The following NF2 variants were observed in gnomAD, a reference collection of about 807,000 sequenced individuals.
The protein encoded by NF2 is NF2, moesin-ezrin-radixin like (MERLIN) tumor suppressor.
A neutral mutation model predicts 83.7 loss-of-function variants in NF2; 8 were observed. The ratio of observed to expected loss-of-function variants is 0.10; its 90% confidence interval spans 0.06 to 0.17. The LOEUF (loss-of-function observed/expected upper bound fraction) is 0.17, where lower values mean the gene tolerates loss of function less well. Among genes scored for constraint, NF2 ranks in the 10% least tolerant of loss-of-function variants. NF2 has a pLI of 1.00. For synonymous variants in NF2, 266 were observed against 269.6 expected (o/e 0.99, Z 0.13); for missense variants, 533 against 744.4 (o/e 0.72, Z 3.31).
chr22:29,646,118 C>T (rs891844599), intron 4 of NF2, among the ~76,000 whole-genome samples: 7 of 152,076 alleles, frequency 4.6e-5, no homozygotes, highest in Non-Finnish European at 7.3e-5. Context: ...ATATTTTGTG[C>T]GACACTCAGT....
chr22:29,651,290 C>T (rs981234052), intron 4 of NF2, among the ~76,000 whole-genome samples: 7 of 152,156 alleles, frequency 4.6e-5, no homozygotes, highest in African/African-American at 1.7e-4. Context: ...AGTATTGGCT[C>T]CACAAGTCTT....
intron 4 of NF2, among the ~76,000 whole-genome samples, chr22:29,645,574 C>T (rs926664172): frequency 6.6e-6 from 1 of 152,154 alleles, no homozygotes; most frequent in Non-Finnish European, 1.5e-5. Context: ...CAGTCATTGG[C>T]ACTTTGATTA....
At chr22:29,682,024 T>C (rs1454368680) in intron 15 of NF2, among the ~76,000 whole-genome samples, 1 of 152,184 alleles carries the variant, frequency 6.6e-6, no homozygotes, top group Admixed American at 6.5e-5. Flanking sequence ...AAAACCAAAC[T>C]GAATTTTTAA....
chr22:29,654,628 A>G lies in NF2; in HGVS notation c.448-29A>G, dbSNP rs1362319919. 2.5e-6 allele frequency: 4 copies of G among 1,602,370 alleles called. No individual in the cohort carries two copies. The African/African-American group carries it at 4.0e-5, about 16-fold the overall frequency. On this transcript the variant is annotated intron_variant, in intron 4 of 15. Coordinates refer to ENST00000338641, the MANE Select transcript of NF2 (RefSeq NM_000268.4). ...AATGGCAGTTATCTTTAGAATCTCA[A>G]TCGCCTGCTCTCCCTTTCTTCTTTC...
rs1195395510 is a variant in NF2 at position 29,674,949 on chromosome 22, TG to T, written c.1446+13del. On this transcript the variant is annotated intron_variant, in intron 13 of 15. Coordinates refer to ENST00000338641, the MANE Select transcript of NF2 (RefSeq NM_000268.4). ...ACCAAGCCCACGTACCCGGTGAGCC[TG>T]GGGGCCACCAGCTGGGGCTGCCTTA... The T allele has an allele frequency of 6.4e-6, 10 of 1,556,094 alleles. No homozygotes were observed. The highest frequency in any genetic ancestry group is 8.7e-6 in the Non-Finnish European group (10 of 1,148,822).
At chr22:29,671,227 C>T (rs1788915641) in intron 10 of NF2, among the ~76,000 whole-genome samples, 1 of 152,112 alleles carries the variant, frequency 6.6e-6, no homozygotes, top group African/African-American at 2.4e-5. Context: ...TTCAGTGCAC[C>T]GTGTATAAGA....
chr22:29,624,956 T>G (rs998246688), intron 1 of NF2, among the ~76,000 whole-genome samples: 13 of 151,282 alleles, frequency 8.6e-5, no homozygotes, highest in African/African-American at 3.2e-4. Flanking sequence ...TCTTTCTTTC[T>G]CTTTTCTTGC....
intron 9 of NF2, among the ~76,000 whole-genome samples, chr22:29,666,239 T>C (rs181892541): frequency 8.4e-4 from 128 of 152,114 alleles, no homozygotes; most frequent in Admixed American, 1.7e-3. Flanking sequence ...CTCCCGGATT[T>C]AAGCAATTCT....
chr22:29,639,683 G>A (rs2065748936), intron 3 of NF2, among the ~76,000 whole-genome samples: 1 of 151,716 alleles, frequency 6.6e-6, no homozygotes, highest in Admixed American at 6.6e-5. Context: ...AGGAGATCGA[G>A]ACCATCTGGC....
chr22:29,609,672 G>T (rs1320360359), intron 1 of NF2, among the ~76,000 whole-genome samples: 1 of 152,156 alleles, frequency 6.6e-6, no homozygotes, highest in Non-Finnish European at 1.5e-5. Context: ...TTAGAAATTG[G>T]TGTGTATAAC....
intron 4 of NF2, among the ~76,000 whole-genome samples, chr22:29,648,095 C>T (rs917663904): frequency 2.6e-5 from 4 of 151,708 alleles, no homozygotes; most frequent in African/African-American, 9.7e-5. Context: ...CACACCACTG[C>T]ACTCCAGCCT....
intron 15 of NF2, among the ~76,000 whole-genome samples, chr22:29,689,177 C>CAA (rs140087): frequency 5.9e-4 from 53 of 89,094 alleles, no homozygotes; most frequent in Non-Finnish European, 8.1e-4. Flanking sequence ...GACTCCGTCT[C>CAA]AAAAAAAAAA....
chr22:29,650,546 CTT>C (rs542118344), intron 4 of NF2, among the ~76,000 whole-genome samples: 1 of 150,164 alleles, frequency 6.7e-6, no homozygotes, highest in East Asian at 2.0e-4. Context: ...TTCTCTTTCT[CTT>C]TCTTTCTCTC....
rs1035287553 is a variant in NF2, at chr22:29,603,673, C to A, written c.-326C>A. 2.4e-5 allele frequency: 10 copies of A among 415,840 alleles called. No homozygotes were observed. The highest frequency in any genetic ancestry group is 4.3e-5 in the Admixed American group (1 of 23,450). The allele number at this position is 415,840 out of a possible 1,614,324, so 25.8% of individuals were successfully genotyped here. A position where few individuals can be genotyped will look rare whatever the true frequency, so the allele number is the denominator to read the frequency against. Reference sequence around the variant, plus strand: ...CGCTGAGAGGCGCGCGGAGTCTGGGCCGCTGCCGTCTAGGGGTCCCGTCCC... The same window carrying A: ...CGCTGAGAGGCGCGCGGAGTCTGGGACGCTGCCGTCTAGGGGTCCCGTCCC... On this transcript the variant is annotated 5_prime_UTR_variant, in exon 1 of 16. Coordinates refer to ENST00000338641, the MANE Select transcript of NF2 (RefSeq NM_000268.4).
chr22:29,647,045 A>AAG lies in NF2; in HGVS notation c.447+4761_447+4762insGA, dbSNP rs35138303. The stretch of plus-strand genomic sequence containing the variant: ...AGTGAGACTCCATCTCAAAAAAAAA[A>AAG]AAAAAAATGTAGTCAGGGTTTTTTT... On this transcript the variant is annotated intron_variant, in intron 4 of 15. Transcript: ENST00000338641. Among the ~76,000 whole-genome samples the AAG allele has an allele frequency of 9.0e-3, 1,366 of 151,922 alleles. 11 individuals carry two copies. The highest frequency in any genetic ancestry group is 0.014 in the Middle Eastern group (4 of 294).
At chr22:29,610,888 A>G (rs1601530192) in intron 1 of NF2, among the ~76,000 whole-genome samples, 1 of 152,222 alleles carries the variant, frequency 6.6e-6, no homozygotes, top group South Asian at 2.1e-4. Context: ...ATAGACAAAT[A>G]TATCTTACAA....
chr22:29,658,133 C>T (rs1165118652), intron 6 of NF2, 56 bp from the exon 7 acceptor site: 8 of 1,538,282 alleles, frequency 5.2e-6, no homozygotes, highest in Middle Eastern at 2.2e-4. Flanking sequence ...GGTGCCCACC[C>T]GCTCTCCACC....
At position 29,603,689 on chromosome 22, in the gene NF2, G is replaced by A. The variant is rs1418757777; in HGVS notation, c.-310G>A. Reference sequence around the variant, plus strand: ...GAGTCTGGGCCGCTGCCGTCTAGGGGTCCCGTCCCGAGGCGTCCCCGGCAT... The same window carrying A: ...GAGTCTGGGCCGCTGCCGTCTAGGGATCCCGTCCCGAGGCGTCCCCGGCAT... On this transcript the variant is annotated 5_prime_UTR_variant, in exon 1 of 16. Transcript: ENST00000338641. The A allele has an allele frequency of 2.3e-6, 1 of 436,372 alleles. No homozygotes were observed. Among genetic ancestry groups the A allele is most frequent in the South Asian group, 6.2e-5 (1 of 16,254 alleles). The allele number at this position is 436,372 out of a possible 1,614,324, so 27.0% of individuals were successfully genotyped here. A position where few individuals can be genotyped will look rare whatever the true frequency, so the allele number is the denominator to read the frequency against.
chr22:29,646,706 G>T (rs1384567330), intron 4 of NF2, among the ~76,000 whole-genome samples: 1 of 152,098 alleles, frequency 6.6e-6, no homozygotes, highest in Admixed American at 6.6e-5. Flanking sequence ...CTAATCACAT[G>T]GTTCAGTTAA....
Sources: gnomAD v4.1 joint callset for allele counts (sites outside exome capture counted in the v4.1 genomes callset) on GRCh38, gnomAD v4.1.1 for gene constraint, MANE v1.5 for transcripts, NCBI Gene and HGNC (gene_info 2026-07-23, HGNC 2026-07-21) for gene names.